The following SCN9A variants were observed in gnomAD, a reference collection of about 807,000 sequenced individuals.
SCN9A encodes sodium voltage-gated channel alpha subunit 9, also known as sodium channel protein type 9 subunit alpha.
A neutral mutation model predicts 187.0 loss-of-function variants in SCN9A; 131 were observed. The ratio of observed to expected loss-of-function variants is 0.70; its 90% CI spans 0.61 to 0.81. The LOEUF (loss-of-function observed/expected upper bound fraction) is 0.81, where lower values mean the gene tolerates loss of function less well. SCN9A is among the 30% of genes least tolerant of loss of function. The probability of loss-of-function intolerance (pLI) is 0.00; values close to 1 mark genes in which losing one functional copy is unlikely to be tolerated. For synonymous variants in SCN9A, 809 were observed against 808.6 expected (o/e 1.00, Z -0.01); for missense variants, 2,252 against 2,396.6 (o/e 0.94, Z 1.26).
chr2:166,307,097 T>C (rs1698787534), intron 2 of SCN9A, 23 bp from the exon 3 acceptor site: 1 of 1,351,338 alleles, frequency 7.4e-7, no homozygotes, highest in Non-Finnish European at 1.1e-6. Context: ...AAAGAAAGGA[T>C]GAAATTGAGA....
chr2:166,333,821 A>G (rs1326904897), intron 1 of SCN9A, among the ~76,000 whole-genome samples: 1 of 152,040 alleles, frequency 6.6e-6, no homozygotes, highest in Non-Finnish European at 1.5e-5. Context: ...AAATATACTC[A>G]TGACAAATGT....
chr2:166,306,282 A>T (rs1459029358), intron 4 of SCN9A, among the ~76,000 whole-genome samples: 1 of 152,162 alleles, frequency 6.6e-6, no homozygotes, highest in Non-Finnish European at 1.5e-5. Flanking sequence ...TAAGAACAGG[A>T]TGGAGCATCT....
upstream of SCN9A, chr2:166,375,969 C>G (rs977596597): frequency 1.3e-5 from 2 of 152,308 alleles, no homozygotes; most frequent in South Asian, 2.1e-4. Flanking sequence ...AGGGCGCGCC[C>G]GTGGAGGTAG....
At position 166,195,450 on chromosome 2, in the gene SCN9A, C is replaced by T. The variant is rs1693218476; in HGVS notation, c.*3222G>A. 1 of 152,142 alleles carries T rather than the reference C, an allele frequency of 6.6e-6. No individual in the cohort carries two copies. Among genetic ancestry groups the T allele is most frequent in the South Asian group, 2.1e-4 (1 of 4,828 alleles). The allele number at this position is 152,142 out of a possible 1,614,324, so 9.4% of individuals were successfully genotyped here. On this transcript the variant is annotated 3_prime_UTR_variant, in exon 27 of 27. Coordinates refer to ENST00000642356, the MANE Select transcript of SCN9A (RefSeq NM_001365536.1). ...ATATTTTTAAAAAATTGGTGGCCTT[C>T]ATACATAGGTCCTAAACCCAGGCCA...
chr2:166,205,768 C>T (rs1366184904), intron 24 of SCN9A, among the ~76,000 whole-genome samples: 1 of 151,388 alleles, frequency 6.6e-6, no homozygotes, highest in Non-Finnish European at 1.5e-5. Context: ...ATCCATCTGA[C>T]AAAAGGGCTA....
intron 18 of SCN9A, chr2:166,248,134 A>C (rs968805023): frequency 6.6e-6 from 1 of 152,120 alleles, no homozygotes; most frequent in African/African-American, 2.4e-5. Context: ...TTCAGTAAAA[A>C]CATGCTACTT....
chr2:166,237,396 A>G (rs1695364757), intron 20 of SCN9A, among the ~76,000 whole-genome samples: 1 of 152,076 alleles, frequency 6.6e-6, no homozygotes. Flanking sequence ...CCATCATCCA[A>G]GTATTCAACA....
intron 19 of SCN9A, among the ~76,000 whole-genome samples, chr2:166,242,031 G>A (rs1457045173): frequency 2.0e-5 from 3 of 152,124 alleles, no homozygotes; most frequent in African/African-American, 7.2e-5. Flanking sequence ...GAGGAAACCT[G>A]TTACACTCTA....
intron 17 of SCN9A, among the ~76,000 whole-genome samples, chr2:166,263,821 A>G (rs1377248627): frequency 6.6e-6 from 1 of 151,942 alleles, no homozygotes; most frequent in Non-Finnish European, 1.5e-5. Context: ...GTACCGGGCC[A>G]GAGATTGGGA....
At chr2:166,356,861 A>G (rs988371833) in intron 1 of SCN9A, among the ~76,000 whole-genome samples, 6 of 152,180 alleles carry the variant, frequency 3.9e-5, no homozygotes, top group Non-Finnish European at 5.9e-5. Flanking sequence ...TTATTTAGTC[A>G]TTCCCACACT....
rs1199891726 is a variant in SCN9A at position 166,222,831 on chromosome 2, T to C, written c.4398+3736A>G. 2.1e-5 allele frequency among the ~76,000 whole-genome samples: 3 copies of C among 142,096 alleles called. No individual in the cohort carries two copies. In the East Asian group the frequency reaches 6.0e-4, roughly 29 times the overall value. The allele number at this position is 142,096 out of a possible 152,430, so 93.2% of individuals were successfully genotyped here. A position where few individuals can be genotyped will look rare whatever the true frequency, so the allele number is the denominator to read the frequency against. On this transcript the variant is annotated intron_variant, in intron 24 of 26. Transcript: ENST00000642356. ...CTGTAGTCCCAGCTACACGGGAGGC[T>C]GAGGCAGGAGAATGGCGTGAACCCG...
chr2:166,226,237 T>C (rs984451830), intron 24 of SCN9A, among the ~76,000 whole-genome samples: 2 of 152,150 alleles, frequency 1.3e-5, no homozygotes, highest in African/African-American at 4.8e-5. Context: ...AAATGTGTTT[T>C]GAATAAATAG....
intron 4 of SCN9A, 65 bp from the exon 5 acceptor site, chr2:166,305,985 T>C (rs985611478): frequency 6.3e-7 from 1 of 1,582,520 alleles, no homozygotes; most frequent in Non-Finnish European, 8.6e-7. Flanking sequence ...TAAATCTTTA[T>C]AACTTATTTT....
chr2:166,226,919 T>C (rs1284044339), intron 23 of SCN9A, among the ~76,000 whole-genome samples: 2 of 152,054 alleles, frequency 1.3e-5, no homozygotes, highest in Non-Finnish European at 2.9e-5. Flanking sequence ...CATACTTATG[T>C]AATAAATAAT....
intron 20 of SCN9A, among the ~76,000 whole-genome samples, chr2:166,236,377 A>G (rs1695318842): frequency 6.6e-6 from 1 of 152,332 alleles, no homozygotes; most frequent in East Asian, 1.9e-4. Context: ...GAAAAAAGTT[A>G]TTGTTTTTAA....
At chr2:166,340,003 C>T (rs1032127502) in intron 1 of SCN9A, among the ~76,000 whole-genome samples, 3 of 152,088 alleles carry the variant, frequency 2.0e-5, no homozygotes, top group Non-Finnish European at 4.4e-5. Flanking sequence ...GGAAGTTACA[C>T]GGGTAGTCTG....
At chr2:166,313,771 A>C (rs539098927) in intron 1 of SCN9A, among the ~76,000 whole-genome samples, 3 of 152,318 alleles carry the variant, frequency 2.0e-5, no homozygotes, top group Admixed American at 6.5e-5. Context: ...CTAAGTACTT[A>C]GTGCAAGAGG....
At chr2:166,306,178 A>G (rs1698750082) in intron 4 of SCN9A, among the ~76,000 whole-genome samples, 1 of 152,122 alleles carries the variant, frequency 6.6e-6, no homozygotes, top group Admixed American at 6.6e-5. Flanking sequence ...AAAATTTCCT[A>G]CATTGCTTCT....
intron 6 of SCN9A, among the ~76,000 whole-genome samples, chr2:166,303,788 G>A (rs899558530): frequency 1.3e-5 from 2 of 152,040 alleles, no homozygotes; most frequent in African/African-American, 4.8e-5. Context: ...TTTCCTTCCT[G>A]TATAAGCAAA....
Sources: allele counts gnomAD v4.1 joint callset (sites outside exome capture counted in the v4.1 genomes callset), GRCh38; gene constraint gnomAD v4.1.1; transcripts MANE v1.5; gene names NCBI Gene and HGNC (gene_info 2026-07-23, HGNC 2026-07-21).